Variants in DMD observed in about 807,000 individuals in gnomAD.
DMD encodes mutant dystrophin.
Under a neutral mutation model 330.1 loss-of-function variants are expected in DMD, and 63 were observed. That is an observed-to-expected ratio of 0.19 (90% confidence interval 0.16 to 0.24). The LOEUF is 0.24. DMD is among the 10% of genes least tolerant of loss of function. The pLI is 1.00. For missense variants in DMD, 3,344 were observed against 2,684.1 expected (o/e 1.25, Z -5.43); for synonymous variants, 1,223 against 959.8 (o/e 1.27, Z -5.07).
At chrX:33,132,223 T>C (rs761060713) in intron 1 of DMD, among the ~76,000 whole-genome samples, 37 of 112,013 alleles carry the variant, frequency 3.3e-4, no homozygotes, top group African/African-American at 1.2e-3. Context: ...ACTAATGGGG[T>C]CAAAATTTTA....
intron 23 of DMD, 135 bp downstream of exon 23, chrX:32,468,363 A>C (rs1390468621): frequency 1.9e-6 from 1 of 538,072 alleles, no homozygotes; most frequent in Non-Finnish European, 3.1e-6. Context: ...TAAAAGACTC[A>C]TGTCTTTTCA....
At chrX:31,816,115 T>G (rs943191773) in intron 50 of DMD, among the ~76,000 whole-genome samples, 26 of 112,492 alleles carry the variant, frequency 2.3e-4, no homozygotes, top group Admixed American at 1.1e-3. Context: ...CACAGAATTA[T>G]GAGCAATAAA....
chrX:32,574,650 CTT>C (rs1245562432), intron 13 of DMD, among the ~76,000 whole-genome samples: 1 of 111,338 alleles, frequency 9.0e-6, no homozygotes, highest in Non-Finnish European at 1.9e-5. Flanking sequence ...AAATAAGAAA[CTT>C]ATTTTCTCAT....
At chrX:32,113,095 G>C (rs111858975) in intron 44 of DMD, among the ~76,000 whole-genome samples, 2 of 112,452 alleles carry the variant, frequency 1.8e-5, no homozygotes, top group African/African-American at 3.2e-5. Context: ...TATAATAAAC[G>C]CATATAAATA....
chrX:32,739,280 G>A (rs2068920675), intron 7 of DMD, among the ~76,000 whole-genome samples: 1 of 111,868 alleles, frequency 8.9e-6, no homozygotes. Flanking sequence ...TGGCTTCTGA[G>A]ACAAGAGTAG....
intron 43 of DMD, among the ~76,000 whole-genome samples, chrX:32,250,927 A>G (rs2097260991): frequency 9.0e-6 from 1 of 110,858 alleles, no homozygotes; most frequent in Non-Finnish European, 1.9e-5. Context: ...CATTCTTAGC[A>G]AACTAACACA....
intron 44 of DMD, among the ~76,000 whole-genome samples, chrX:32,216,221 A>G (rs1490175788): frequency 8.9e-6 from 1 of 112,181 alleles, no homozygotes; most frequent in Non-Finnish European, 1.9e-5. Flanking sequence ...TAATAAACAC[A>G]GTGTTTCTTA....
chrX:31,287,352 C>T (rs375573125), intron 62 of DMD, among the ~76,000 whole-genome samples: 6 of 112,182 alleles, frequency 5.3e-5, no homozygotes, highest in Admixed American at 4.7e-4. Context: ...AACAGAGAAT[C>T]CTTCTACTCC....
intron 44 of DMD, among the ~76,000 whole-genome samples, chrX:32,075,773 G>A (rs770597591): frequency 5.1e-4 from 56 of 109,701 alleles, no homozygotes; most frequent in Non-Finnish European, 9.9e-4. Context: ...TTAGGGATGC[G>A]CGCAGCAGCT....
intron 57 of DMD, among the ~76,000 whole-genome samples, chrX:31,496,246 A>C (rs2147067813): frequency 8.9e-6 from 1 of 112,573 alleles, no homozygotes; most frequent in South Asian, 3.7e-4. Context: ...TAAAAAATGC[A>C]TAATATGTAT....
chrX:32,024,708 G>T (rs2095834614), intron 44 of DMD, among the ~76,000 whole-genome samples: 1 of 110,876 alleles, frequency 9.0e-6, no homozygotes, highest in Non-Finnish European at 1.9e-5. Context: ...TGGGATTGTT[G>T]TGATGATTGC....
At chrX:31,224,903 T>A (rs1168865383) in intron 63 of DMD, among the ~76,000 whole-genome samples, 1 of 112,213 alleles carries the variant, frequency 8.9e-6, no homozygotes, top group Non-Finnish European at 1.9e-5. Flanking sequence ...GTACATACTG[T>A]TTGATTTCAC....
intron 25 of DMD, among the ~76,000 whole-genome samples, chrX:32,460,778 GTTTTCCTGCTCCTGTCACTCTCA>G (rs1489240295): frequency 9.0e-6 from 1 of 111,627 alleles, no homozygotes; most frequent in African/African-American, 3.3e-5. Context: ...ATAGAAAGTA[GTTTTCCTGCTCCTGTCACTCTCA>G]TTTAAAGGGT....
At chrX:31,569,275 T>C (rs1392156020) in intron 55 of DMD, among the ~76,000 whole-genome samples, 2 of 110,904 alleles carry the variant, frequency 1.8e-5, no homozygotes, top group Admixed American at 9.6e-5. Flanking sequence ...CAAGAAATTC[T>C]TTGTTTTCCT....
chrX:32,454,832 C>A lies in DMD; in HGVS notation c.3433G>T (p.Val1145Phe). ...NTQWDHMCQQ[V>F]YARKEALKGG... is the part of the protein sequence containing the mutation. Reference sequence around the variant, plus strand: ...TTCAAGGCCTCCTTTCTGGCATAGACCTTCCACAAAACAAACAAACAAAAC... The same window carrying A: ...TTCAAGGCCTCCTTTCTGGCATAGAACTTCCACAAAACAAACAAACAAAAC... Residue 1145 changes from valine (V) to phenylalanine (F), a missense_variant and splice_region_variant, in exon 26 of 79, where the codon GTC becomes TTC. Val to Phe is a conservative substitution (Grantham distance 50). Coordinates refer to ENST00000357033, the MANE Select transcript of DMD (RefSeq NM_004006.3). 8.3e-7 allele frequency: 1 copy of A among 1,203,605 alleles called. No homozygotes were observed. The highest frequency in any genetic ancestry group is 3.0e-5 in the East Asian group (1 of 33,602).
At chrX:33,024,319 C>A (rs986440339) in intron 1 of DMD, among the ~76,000 whole-genome samples, 4 of 112,098 alleles carry the variant, frequency 3.6e-5, no homozygotes, top group Non-Finnish European at 7.5e-5. Context: ...TTGTTTATAA[C>A]TGATTTTATT....
At chrX:32,601,996 C>G (rs962771277) in intron 12 of DMD, among the ~76,000 whole-genome samples, 1 of 111,890 alleles carries the variant, frequency 8.9e-6, no homozygotes, top group Non-Finnish European at 1.9e-5. Flanking sequence ...TACATTCTGA[C>G]TATCATCCTT....
chrX:33,097,487 A>G (rs1288662609), intron 1 of DMD, among the ~76,000 whole-genome samples: 2 of 111,101 alleles, frequency 1.8e-5, no homozygotes, highest in Non-Finnish European at 3.8e-5. Context: ...TAATACTGAC[A>G]GTGATCAGTG....
At chrX:31,640,064 C>A (rs760151401) in intron 54 of DMD, among the ~76,000 whole-genome samples, 1 of 112,129 alleles carries the variant, frequency 8.9e-6, no homozygotes, top group South Asian at 3.7e-4. Context: ...CTCTCTTCTA[C>A]AACCAGCTGT....
Sources: gnomAD v4.1 joint callset for allele counts (sites outside exome capture counted in the v4.1 genomes callset) on GRCh38, gnomAD v4.1.1 for gene constraint, MANE v1.5 for transcripts, NCBI Gene and HGNC (gene_info 2026-07-23, HGNC 2026-07-21) for gene names.